The following IL2RA variants were observed in gnomAD, a reference collection of about 807,000 sequenced individuals.
IL2RA encodes interleukin-2 receptor subunit alpha.
Under a neutral mutation model 37.8 loss-of-function variants are expected in IL2RA, and 24 were observed. The observed-to-expected ratio is 0.63, with a 90% confidence interval of 0.46 to 0.89. IL2RA has a LOEUF of 0.89. Ranked by LOEUF, IL2RA falls within the 40% of genes least tolerant of loss-of-function variation. The probability of loss-of-function intolerance (pLI) is 0.00; values close to 1 mark genes in which losing one functional copy is unlikely to be tolerated. For synonymous variants in IL2RA, 125 were observed against 114.6 expected, an observed-to-expected ratio of 1.09 and a Z score of -0.58; for missense variants, 319 against 348.6, an observed-to-expected ratio of 0.92 and a Z score of 0.68.
rs2132901313 is a variant in IL2RA, at chr10:6,054,902, G to T, written c.64+7186C>A. Among the ~76,000 whole-genome samples, 2 of 152,026 alleles carry T rather than the reference G, an allele frequency of 1.3e-5. No individual in the cohort carries two copies. Among genetic ancestry groups the T allele is most frequent in the South Asian group, 2.1e-4 (1 of 4,818 alleles). The stretch of plus-strand genomic sequence containing the variant: ...TTAAGAGGCAGAGTCTCACTATGTT[G>T]CCCAGGCTGGTTTTGAACTCCTGGG... On this transcript the variant is annotated intron_variant, in intron 1 of 7. Transcript: ENST00000379959. This position sits in a 1 kb window ranked among gnomAD's most constrained non-coding sequence, Gnocchi z 4.5.
intron 7 of IL2RA, among the ~76,000 whole-genome samples, 177 bp from the exon 8 acceptor site, chr10:6,013,073 C>T (rs1839216707): frequency 6.6e-6 from 1 of 152,194 alleles, no homozygotes; most frequent in Non-Finnish European, 1.5e-5. Context: ...TGTGATCTGC[C>T]TGCCTCGGCC....
At chr10:6,027,261 G>C (rs1266486923) in intron 1 of IL2RA, among the ~76,000 whole-genome samples, 1 of 152,084 alleles carries the variant, frequency 6.6e-6, no homozygotes, top group Non-Finnish European at 1.5e-5. Flanking sequence ...AGGAGGCAGA[G>C]GTTGCAGTGG....
In IL2RA at chr10:6,062,120, A is replaced by G. The variant is rs750706858; in HGVS notation, c.32T>C (p.Leu11Pro). 1 of 1,614,072 alleles carries G rather than the reference A, an allele frequency of 6.2e-7. No individual in the cohort carries two copies. The highest frequency in any genetic ancestry group is 8.5e-7 in the Non-Finnish European group (1 of 1,179,936). ...GCAGCCAGGCACCATGATGAACGTGAGCAGTCCCCACATCAGCAGGTATGA... is the reference window on the plus strand; with the variant it reads ...GCAGCCAGGCACCATGATGAACGTGGGCAGTCCCCACATCAGCAGGTATGA... MDSYLLMWGL[L>P]TFIMVPGCQA... is the part of the protein sequence containing the mutation. The change falls in exon 1 of 8, where the codon CTC (leucine) becomes CCC (proline). Residue 11 changes from leucine (L) to proline (P), a missense_variant. Coordinates refer to ENST00000379959, the MANE Select transcript of IL2RA (RefSeq NM_000417.3).
At chr10:6,024,188 C>T (rs767805837) in intron 3 of IL2RA, 56 bp downstream of exon 3, 2 of 1,152,180 alleles carry the variant, frequency 1.7e-6, no homozygotes, top group Non-Finnish European at 2.6e-6. Context: ...CATCATCTGC[C>T]TGCAGGAGAA....
At chr10:6,051,513 A>AT (rs1288442410) in intron 1 of IL2RA, among the ~76,000 whole-genome samples, 28 of 8,058 alleles carry the variant, frequency 3.5e-3, no homozygotes, top group South Asian at 0.017. Context: ...ATATATATAT[A>AT]TATATTTTTT....
At position 6,036,782 on chromosome 10, in the gene IL2RA, G is replaced by A. The variant is rs1043834008; in HGVS notation, c.65-10757C>T. ...TACCAACCCTGGAAAGAGATGTGGG[G>A]GACAGTCATTTTAGAGAGCGGACAC... On this transcript the variant is annotated intron_variant, in intron 1 of 7. Coordinates refer to ENST00000379959, the MANE Select transcript of IL2RA (RefSeq NM_000417.3). This position sits in a 1 kb window ranked among gnomAD's most constrained non-coding sequence, Gnocchi z 6.1. Among the ~76,000 whole-genome samples the A allele has an allele frequency of 6.6e-6, 1 of 152,182 alleles. No homozygotes were observed. The highest frequency in any genetic ancestry group is 1.5e-5 in the Non-Finnish European group (1 of 68,040).
chr10:6,036,788 T>G lies in IL2RA; in HGVS notation c.65-10763A>C, dbSNP rs1839689849. 6.6e-6 allele frequency among the ~76,000 whole-genome samples: 1 copy of G among 152,138 alleles called. No individual in the cohort carries two copies. The highest frequency in any genetic ancestry group is 2.4e-5 in the African/African-American group (1 of 41,406). On this transcript the variant is annotated intron_variant, in intron 1 of 7. Transcript: ENST00000379959. The surrounding 1 kb of genome is among the most constrained non-coding windows in gnomAD (Gnocchi z 6.1). ...CCCTGGAAAGAGATGTGGGGGACAG[T>G]CATTTTAGAGAGCGGACACCACTGC...
chr10:6,029,110 C>A lies in IL2RA; in HGVS notation c.65-3085G>T, dbSNP rs1310936951. Among the ~76,000 whole-genome samples, 3 of 151,542 alleles carry A rather than the reference C, an allele frequency of 2.0e-5. No individual in the cohort carries two copies. The highest frequency in any genetic ancestry group is 4.4e-5 in the Non-Finnish European group (3 of 67,972). ...GCAGAGGTCAGTAAACTATGACCTG[C>A]AGATTTGCTGCCATTTATTTTATTT... is the stretch of plus-strand genomic sequence containing the variant. On this transcript the variant is annotated intron_variant, in intron 1 of 7. Coordinates refer to ENST00000379959, the MANE Select transcript of IL2RA (RefSeq NM_000417.3). The surrounding 1 kb of genome is among the most constrained non-coding windows in gnomAD (Gnocchi z 4.6).
rs1839314680 is a variant in IL2RA at position 6,018,387 on chromosome 10, G to A, written c.728-268C>T. ...AAAAGCCCCTCAGAAAGGCTCAGAG[G>A]CCAGGCCTCGTTTAAGGACACCGAG... On this transcript the variant is annotated intron_variant, in intron 6 of 7. Coordinates refer to ENST00000379959, the MANE Select transcript of IL2RA (RefSeq NM_000417.3). The surrounding 1 kb of genome is among the most constrained non-coding windows in gnomAD (Gnocchi z 5.1). Among the ~76,000 whole-genome samples, 1 of 152,056 alleles carries A rather than the reference G, an allele frequency of 6.6e-6. No individual in the cohort carries two copies.
Position 6,018,135 on chromosome 10 carries a change from G to A in IL2RA, c.728-16C>T. ...CAGCCGGCCACTGTCAATAGAGAGA[G>A]GGAGTTCAGCAAAGGGCCCTGGGCT... On this transcript the variant is annotated splice_polypyrimidine_tract_variant and intron_variant, in intron 6 of 7. Transcript: ENST00000379959. This position sits in a 1 kb window ranked among gnomAD's most constrained non-coding sequence, Gnocchi z 5.1. 6.2e-7 allele frequency: 1 copy of A among 1,612,452 alleles called. No individual in the cohort carries two copies. The highest frequency in any genetic ancestry group is 2.2e-5 in the East Asian group (1 of 44,868).
rs1306346531 is a variant in IL2RA at position 6,020,791 on chromosome 10, C to T, written c.583+687G>A. On this transcript the variant is annotated intron_variant, in intron 4 of 7. Coordinates refer to ENST00000379959, the MANE Select transcript of IL2RA (RefSeq NM_000417.3). The surrounding 1 kb of genome is among the most constrained non-coding windows in gnomAD (Gnocchi z 5.6). The stretch of plus-strand genomic sequence containing the variant: ...AAAGTGATCTGCCCGCCTTGGCCTC[C>T]CAGAGTGCTGGGATTACAGGTGTGA... Among the ~76,000 whole-genome samples, 1 of 152,164 alleles carries T rather than the reference C, an allele frequency of 6.6e-6. No homozygotes were observed. Among genetic ancestry groups the T allele is most frequent in the Non-Finnish European group, 1.5e-5 (1 of 68,046 alleles).
At chr10:6,040,196 T>C (rs1839750784) in intron 1 of IL2RA, among the ~76,000 whole-genome samples, 1 of 152,246 alleles carries the variant, frequency 6.6e-6, no homozygotes, top group African/African-American at 2.4e-5. Flanking sequence ...GTGTTGTTTT[T>C]AGAACCCAAT....
In IL2RA at chr10:6,028,110, G is replaced by A. The variant is rs777238854; in HGVS notation, c.65-2085C>T. Reference sequence around the variant, plus strand: ...AAACACGTGAGAGGCGCCCACAGTTGCCCTGGCTTCCTTCCTGGGGTGCTT... The same window carrying A: ...AAACACGTGAGAGGCGCCCACAGTTACCCTGGCTTCCTTCCTGGGGTGCTT... On this transcript the variant is annotated intron_variant, in intron 1 of 7. Transcript: ENST00000379959. This position sits in a 1 kb window ranked among gnomAD's most constrained non-coding sequence, Gnocchi z 4.1. 5.3e-5 allele frequency among the ~76,000 whole-genome samples: 8 copies of A among 152,138 alleles called. No homozygotes were observed. Among genetic ancestry groups the A allele is most frequent in the Non-Finnish European group, 7.4e-5 (5 of 68,016 alleles).
chr10:6,045,615 C>T (rs941749839), intron 1 of IL2RA, among the ~76,000 whole-genome samples: 1 of 152,168 alleles, frequency 6.6e-6, no homozygotes, highest in Non-Finnish European at 1.5e-5. Context: ...GAAACACACT[C>T]TTTTTCTTTC....
rs1395369894 is a variant in IL2RA, at chr10:6,058,171, C to T, written c.64+3917G>A. ...AATCACAAAGAGGTATTCAGAATAC[C>T]CAAGGCTTTAGGCAAAAACCAGTCT... On this transcript the variant is annotated intron_variant, in intron 1 of 7. Coordinates refer to ENST00000379959, the MANE Select transcript of IL2RA (RefSeq NM_000417.3). The surrounding 1 kb of genome is among the most constrained non-coding windows in gnomAD (Gnocchi z 4.2). Among the ~76,000 whole-genome samples the T allele has an allele frequency of 6.6e-6, 1 of 151,902 alleles. No homozygotes were observed. Among genetic ancestry groups the T allele is most frequent in the East Asian group, 1.9e-4 (1 of 5,190 alleles).
At chr10:6,019,253 A>G (rs1377041867) in intron 6 of IL2RA, among the ~76,000 whole-genome samples, 175 bp downstream of exon 6, 2 of 152,096 alleles carry the variant, frequency 1.3e-5, no homozygotes, top group Non-Finnish European at 2.9e-5. Flanking sequence ...CTAACCAACT[A>G]ACCTCCCAAC....
intron 1 of IL2RA, among the ~76,000 whole-genome samples, chr10:6,045,695 G>T (rs1293303617): frequency 2.6e-5 from 4 of 152,248 alleles, no homozygotes; most frequent in South Asian, 2.1e-4. Flanking sequence ...CATATTTTTA[G>T]TAGAAATATG....
At chr10:6,049,440 C>T (rs578182102) in intron 1 of IL2RA, among the ~76,000 whole-genome samples, 1 of 152,252 alleles carries the variant, frequency 6.6e-6, no homozygotes, top group Non-Finnish European at 1.5e-5. Flanking sequence ...TCACAGACAC[C>T]CCCAGAGAGA....
chr10:6,042,400 A>T (rs1025320527), intron 1 of IL2RA, among the ~76,000 whole-genome samples: 1 of 152,088 alleles, frequency 6.6e-6, no homozygotes, highest in Non-Finnish European at 1.5e-5. Flanking sequence ...TAGACAGTAG[A>T]CACTGAAAGC....
Sources: allele counts gnomAD v4.1 joint callset (sites outside exome capture counted in the v4.1 genomes callset), GRCh38; gene constraint gnomAD v4.1.1; non-coding constraint Gnocchi (gnomAD v3.1); transcripts MANE v1.5; gene names NCBI Gene and HGNC (gene_info 2026-07-23, HGNC 2026-07-21).